Variants in DYNC2H1 observed in about 807,000 individuals in gnomAD.
DYNC2H1 encodes the protein dynein cytoplasmic 2 heavy chain 1, also known as cytoplasmic dynein 2 heavy chain 1.
A neutral mutation model predicts 570.0 loss-of-function variants in DYNC2H1; 410 were observed. That is an observed-to-expected ratio of 0.72 (90% CI 0.66 to 0.78). The LOEUF (loss-of-function observed/expected upper bound fraction) is 0.78, where lower values mean the gene tolerates loss of function less well. DYNC2H1 is among the 30% of genes least tolerant of loss of function. The probability of loss-of-function intolerance (pLI) is 0.00; values close to 1 mark genes in which losing one functional copy is unlikely to be tolerated. For missense variants in DYNC2H1, 4,865 were observed against 5,046.4 expected (o/e 0.96, Z 1.09); for synonymous variants, 1,688 against 1,677.6 (o/e 1.01, Z -0.15).
At chr11:103,161,243 T>C (rs1281982343) in intron 29 of DYNC2H1, among the ~76,000 whole-genome samples, 199 bp downstream of exon 29, 1 of 152,066 alleles carries the variant, frequency 6.6e-6, no homozygotes, top group East Asian at 1.9e-4. Context: ...TTTGTAGTCT[T>C]TGGAAGGCAG....
At chr11:103,230,443 T>C (rs2135181888) in intron 59 of DYNC2H1, among the ~76,000 whole-genome samples, 1 of 152,268 alleles carries the variant, frequency 6.6e-6, no homozygotes, top group South Asian at 2.1e-4. Context: ...CTTTTTATCT[T>C]TCACCTAGGA....
At chr11:103,188,968 C>T (rs1487789268) in intron 44 of DYNC2H1, among the ~76,000 whole-genome samples, 1 of 151,790 alleles carries the variant, frequency 6.6e-6, no homozygotes, top group Non-Finnish European at 1.5e-5. Context: ...GTTCATGAAA[C>T]AAAAATACCA....
In DYNC2H1 at chr11:103,177,060, A is replaced by G. The variant is rs17100025; in HGVS notation, c.5875-496A>G. The stretch of plus-strand genomic sequence containing the variant: ...TTTCTATTGCCTGTTATAGTACCTA[A>G]TGTGTAATGGATTCATCATTTTTTT... On this transcript the variant is annotated intron_variant, in intron 37 of 88. Transcript: ENST00000375735. The surrounding 1 kb of genome is among the most constrained non-coding windows in gnomAD (Gnocchi z 4.4). 0.018 allele frequency among the ~76,000 whole-genome samples: 2,721 copies of G among 152,128 alleles called. 85 individuals carry two copies. Among genetic ancestry groups the G allele is most frequent in the African/African-American group, 0.062 (2,558 of 41,488 alleles).
intron 83 of DYNC2H1, among the ~76,000 whole-genome samples, chr11:103,390,443 CTT>C (rs1421664329): frequency 6.6e-6 from 1 of 151,940 alleles, no homozygotes; most frequent in Non-Finnish European, 1.5e-5. Flanking sequence ...GGTCTTGACT[CTT>C]TATCCAATTT....
intron 82 of DYNC2H1, among the ~76,000 whole-genome samples, chr11:103,339,807 G>C (rs1287732694): frequency 6.6e-6 from 1 of 152,226 alleles, no homozygotes; most frequent in Non-Finnish European, 1.5e-5. Flanking sequence ...TTATTCCATA[G>C]TTGCTGAAGT....
intron 1 of DYNC2H1, 44 bp from the exon 2 acceptor site, chr11:103,113,493 T>C (rs777197057): frequency 1.3e-5 from 18 of 1,412,862 alleles, no homozygotes; most frequent in Non-Finnish European, 1.4e-5. Flanking sequence ...TTTTCAAATA[T>C]TAAATTTTAT....
chr11:103,454,451 G>A (rs1220988369), intron 85 of DYNC2H1, among the ~76,000 whole-genome samples: 3 of 152,046 alleles, frequency 2.0e-5, no homozygotes, highest in Non-Finnish European at 2.9e-5. Flanking sequence ...ATAACTTCCT[G>A]GTTCCAGCAG....
At chr11:103,428,819 T>G (rs1943778718) in intron 84 of DYNC2H1, among the ~76,000 whole-genome samples, 1 of 152,176 alleles carries the variant, frequency 6.6e-6, no homozygotes, top group Non-Finnish European at 1.5e-5. Flanking sequence ...AATTTTTTTT[T>G]CTTTTTTAAG....
At position 103,236,484 on chromosome 11, in the gene DYNC2H1, G is replaced by A. The variant is rs778972024; in HGVS notation, c.9764G>A (p.Ser3255Asn). ...CTESEQLIWK[S>N]EGLPSDDLSI... is the part of the protein sequence containing the mutation. ...GAAAGTGAGCAGTTAATTTGGAAAA[G>A]TGAAGGCCTACCATCAGATGACCTT... The change falls in exon 63 of 89, where the codon AGT (serine) becomes AAT (asparagine). Residue 3255 changes from serine (S) to asparagine (N), a missense_variant. This residue lies in a region of DYNC2H1 where 2,401 missense variants were observed against 2,454.6 expected (regional missense o/e 0.98). Coordinates refer to ENST00000375735, the MANE Select transcript of DYNC2H1 (RefSeq NM_001377.3). 4.3e-6 allele frequency: 7 copies of A among 1,610,058 alleles called. No individual in the cohort carries two copies. In the Admixed American group the frequency reaches 1.0e-4, roughly 23 times the overall value.
At position 103,251,486 on chromosome 11, in the gene DYNC2H1, C is replaced by T. The variant is rs182189453; in HGVS notation, c.10043-1799C>T. ...TATATATCATAAAATGCTTTTCTGT[C>T]GTAAAGCAAATTAACATATCTATCA... On this transcript the variant is annotated intron_variant, in intron 65 of 88. Transcript: ENST00000375735. 5.3e-5 allele frequency among the ~76,000 whole-genome samples: 8 copies of T among 152,130 alleles called. No homozygotes were observed. In the East Asian group the frequency reaches 1.2e-3, roughly 22 times the overall value.
In DYNC2H1 at chr11:103,133,169, G is replaced by A. The variant is rs1859361320; in HGVS notation, c.1954-386G>A. Among the ~76,000 whole-genome samples the A allele has an allele frequency of 6.6e-6, 1 of 152,166 alleles. No individual in the cohort carries two copies. The highest frequency in any genetic ancestry group is 6.5e-5 in the Admixed American group (1 of 15,280). On this transcript the variant is annotated intron_variant, in intron 13 of 88. Transcript: ENST00000375735. This position sits in a 1 kb window ranked among gnomAD's most constrained non-coding sequence, Gnocchi z 4.8. ...CTAGCCCTTTATAGGAGGTTTTTGA[G>A]TCTGTGCCTGTCAGTGGTTCCAGAT...
chr11:103,172,074 A>C (rs532512361), intron 34 of DYNC2H1, among the ~76,000 whole-genome samples: 125 of 152,322 alleles, frequency 8.2e-4, no homozygotes, highest in African/African-American at 3.0e-3. Context: ...ATAACATTTT[A>C]ACAGTACATA....
At position 103,219,743 on chromosome 11, in the gene DYNC2H1, A is replaced by C. The variant is rs610158; in HGVS notation, c.8833-172A>C. On this transcript the variant is annotated intron_variant, in intron 55 of 88. Coordinates refer to ENST00000375735, the MANE Select transcript of DYNC2H1 (RefSeq NM_001377.3). Reference sequence around the variant, plus strand: ...CTTTCTGATAGAAAATATGGAGTAAAATATATCATTGGTTTCCCAGGCATT... The same window carrying C: ...CTTTCTGATAGAAAATATGGAGTAACATATATCATTGGTTTCCCAGGCATT... Among the ~76,000 whole-genome samples the C allele has an allele frequency of 0.93, 141,969 of 152,256 alleles. 66,220 individuals are homozygous for C. Among genetic ancestry groups the C allele is most frequent in the African/African-American group, 0.94 (39,120 of 41,546 alleles).
At chr11:103,137,469 T>A (rs1436715116) in intron 17 of DYNC2H1, among the ~76,000 whole-genome samples, 1 of 152,232 alleles carries the variant, frequency 6.6e-6, no homozygotes, top group East Asian at 1.9e-4. Flanking sequence ...CCCAGCACCA[T>A]TTATTAAATA....
intron 42 of DYNC2H1, among the ~76,000 whole-genome samples, chr11:103,187,058 A>G (rs1054434262): frequency 1.1e-4 from 17 of 152,052 alleles, no homozygotes; most frequent in Non-Finnish European, 8.8e-5. Flanking sequence ...GGGTTGGTAT[A>G]TTTGACATGT....
intron 34 of DYNC2H1, among the ~76,000 whole-genome samples, chr11:103,171,654 C>T (rs1005255935): frequency 6.6e-6 from 1 of 152,074 alleles, no homozygotes; most frequent in Non-Finnish European, 1.5e-5. Context: ...TGACATTGTT[C>T]ACAGTGCCTT....
chr11:103,343,283 C>T (rs907593275), intron 82 of DYNC2H1, among the ~76,000 whole-genome samples: 2 of 152,196 alleles, frequency 1.3e-5, no homozygotes, highest in Admixed American at 6.5e-5. Flanking sequence ...CCTGTATATC[C>T]TGACCCTTGC....
intron 88 of DYNC2H1, among the ~76,000 whole-genome samples, chr11:103,470,113 A>C (rs1945325599): frequency 6.6e-6 from 1 of 152,170 alleles, no homozygotes; most frequent in African/African-American, 2.4e-5. Context: ...TATAGGAGAC[A>C]ATGACCTGGA....
intron 6 of DYNC2H1, among the ~76,000 whole-genome samples, chr11:103,118,365 A>G (rs1212499758): frequency 3.3e-5 from 5 of 151,970 alleles, no homozygotes; most frequent in Non-Finnish European, 7.4e-5. Flanking sequence ...TTTAAAAAAA[A>G]AAACAAAACT....
Sources: gnomAD v4.1 joint callset for allele counts (sites outside exome capture counted in the v4.1 genomes callset) on GRCh38, gnomAD v4.1.1 for gene constraint, gnomAD v4.1.1 regional missense constraint, Gnocchi (gnomAD v3.1) non-coding constraint, MANE v1.5 for transcripts, NCBI Gene and HGNC (gene_info 2026-07-23, HGNC 2026-07-21) for gene names.